The following CFH variants were observed in gnomAD, a reference collection of about 807,000 sequenced individuals.
CFH encodes H factor 1 (complement).
CFH carries 53 observed loss-of-function variants against 147.3 expected under a neutral mutation model. The observed-to-expected ratio is 0.36, with a 90% CI of 0.29 to 0.45. The LOEUF is 0.45. Among genes scored for constraint, CFH ranks in the 20% least tolerant of loss-of-function variants. The pLI is 1.00. For synonymous variants in CFH, 536 were observed against 489.4 expected (o/e 1.10, Z -1.26); for missense variants, 1,380 against 1,498.0 (o/e 0.92, Z 1.30).
At chr1:196,689,380 T>C (rs751416678) in intron 7 of CFH, 40 bp from the exon 8 acceptor site, 108 of 1,546,692 alleles carry the variant, frequency 7.0e-5, no homozygotes, top group Non-Finnish European at 9.3e-5. Flanking sequence ...TTTATTACAG[T>C]AAAATTTCTT....
At chr1:196,688,307 T>C (rs974387295) in intron 7 of CFH, among the ~76,000 whole-genome samples, 2 of 152,066 alleles carry the variant, frequency 1.3e-5, no homozygotes, top group African/African-American at 4.8e-5. Context: ...AATAACTCAG[T>C]AAAATGTAAT....
intron 9 of CFH, among the ~76,000 whole-genome samples, chr1:196,696,483 C>T (rs1044215280): frequency 2.0e-5 from 3 of 152,122 alleles, no homozygotes; most frequent in African/African-American, 7.2e-5. Context: ...AAATTTATCG[C>T]ACTAAATGCC....
chr1:196,730,495 A>C (rs951166751), intron 15 of CFH, among the ~76,000 whole-genome samples: 2 of 151,854 alleles, frequency 1.3e-5, no homozygotes, highest in African/African-American at 4.8e-5. Flanking sequence ...TTTGTGGCCT[A>C]ACATATAACA....
chr1:196,704,577 A>G (rs915701044), intron 9 of CFH, among the ~76,000 whole-genome samples: 1 of 152,240 alleles, frequency 6.6e-6, no homozygotes, highest in African/African-American at 2.4e-5. Context: ...TAGTCCGGAA[A>G]CATGGGCAGA....
intron 9 of CFH, among the ~76,000 whole-genome samples, chr1:196,711,001 T>G (rs1301044977): frequency 6.6e-6 from 1 of 152,220 alleles, no homozygotes; most frequent in Admixed American, 6.5e-5. Context: ...GAATATTTTT[T>G]ATTTTTCTTT....
At chr1:196,701,406 G>A in intron 9 of CFH, 7 of 1,609,316 alleles carry the variant, frequency 4.3e-6, no homozygotes, top group South Asian at 1.1e-5. Context: ...CCAAGTTTGA[G>A]TCTTGCCAGG....
In CFH at chr1:196,677,314, T is replaced by C. The variant is rs1667489413; in HGVS notation, c.428-162T>C. 1.1e-5 allele frequency: 7 copies of C among 636,900 alleles called. No individual in the cohort carries two copies. The Admixed American group carries it at 1.9e-4, about 17-fold the overall frequency. 39.5% of individuals were successfully genotyped at this position (636,900 alleles called of 1,614,324 possible). A position where few individuals can be genotyped will look rare whatever the true frequency, so the allele number is the denominator to read the frequency against. On this transcript the variant is annotated intron_variant, in intron 4 of 21. Coordinates refer to ENST00000367429, the MANE Select transcript of CFH (RefSeq NM_000186.4). ...AATAAACATTCCATTTGCTTGTTTCTTAGAGGAAAGTATCTCTAGCAAACA... is the reference window on the plus strand; with the variant it reads ...AATAAACATTCCATTTGCTTGTTTCCTAGAGGAAAGTATCTCTAGCAAACA...
chr1:196,698,215 A>G (rs1668343433), intron 9 of CFH, among the ~76,000 whole-genome samples: 1 of 152,140 alleles, frequency 6.6e-6, no homozygotes, highest in African/African-American at 2.4e-5. Flanking sequence ...GCAGAAGACA[A>G]GAAATAACTA....
intron 9 of CFH, among the ~76,000 whole-genome samples, chr1:196,710,034 A>C (rs887872076): frequency 1.1e-4 from 11 of 98,032 alleles, no homozygotes; most frequent in South Asian, 3.8e-4. Flanking sequence ...ACACACACAC[A>C]CAAACATACA....
rs990074199 is a variant in CFH at position 196,695,342 on chromosome 1, C to A, written c.1336+5103C>A. ...AGATGTGTGGTGTTATTTCTGAGGC[C>A]TCTGTTCTGCTCCATTGGCCTATAT... On this transcript the variant is annotated intron_variant, in intron 9 of 21. Transcript: ENST00000367429. 3.3e-5 allele frequency among the ~76,000 whole-genome samples: 5 copies of A among 151,970 alleles called. 1 individual carries two copies. The highest frequency in any genetic ancestry group is 3.3e-4 in the Admixed American group (5 of 15,256).
intron 1 of CFH, among the ~76,000 whole-genome samples, chr1:196,671,587 TACACACAC>T (rs551313147): frequency 1.0e-4 from 13 of 129,514 alleles, no homozygotes; most frequent in Admixed American, 2.4e-4. Context: ...AAAAGACTAA[TACACACAC>T]ACACACACAC....
At chr1:196,714,405 C>T (rs974323972) in intron 10 of CFH, among the ~76,000 whole-genome samples, 1 of 151,110 alleles carries the variant, frequency 6.6e-6, no homozygotes, top group Non-Finnish European at 1.5e-5. Flanking sequence ...AGAAATTTTT[C>T]ATAAATATTT....
chr1:196,680,592 T>C (rs954852929), intron 6 of CFH, among the ~76,000 whole-genome samples: 1 of 151,866 alleles, frequency 6.6e-6, no homozygotes, highest in African/African-American at 2.4e-5. Flanking sequence ...TTCAAACATT[T>C]ATAAAATAAG....
intron 19 of CFH, among the ~76,000 whole-genome samples, chr1:196,742,812 G>C (rs1652856516): frequency 1.3e-5 from 2 of 152,106 alleles, no homozygotes; most frequent in South Asian, 4.1e-4. Context: ...ATTTTGCATT[G>C]TTCAGCATAA....
At chr1:196,686,873 T>C (rs1667846789) in intron 7 of CFH, among the ~76,000 whole-genome samples, 1 of 152,132 alleles carries the variant, frequency 6.6e-6, no homozygotes, top group Non-Finnish European at 1.5e-5. Flanking sequence ...CAGTTTTTAA[T>C]TTCATTAAAT....
At chr1:196,692,207 G>A (rs999931553) in intron 9 of CFH, among the ~76,000 whole-genome samples, 1 of 152,072 alleles carries the variant, frequency 6.6e-6, no homozygotes, top group Non-Finnish European at 1.5e-5. Context: ...TCGCCTCGCT[G>A]CAACCTCCAC....
chr1:196,692,750 C>CTTTCTTTCTCTTTCCCTTCCTTTCTT (rs1668089026), intron 9 of CFH, among the ~76,000 whole-genome samples: 6 of 7,764 alleles, frequency 7.7e-4, no homozygotes, highest in Admixed American at 1.8e-3. Flanking sequence ...CTTTCTTTTT[C>CTTTCTTTCTCTTTCCCTTCCTTTCTT]TTTCTTTCTT....
intron 9 of CFH, among the ~76,000 whole-genome samples, chr1:196,697,279 A>G (rs1466506434): frequency 3.9e-5 from 6 of 152,210 alleles, no homozygotes; most frequent in Non-Finnish European, 8.8e-5. Context: ...TAATATCCAG[A>G]ATCTACAATG....
At chr1:196,695,266 CT>C (rs1668212090) in intron 9 of CFH, among the ~76,000 whole-genome samples, 1 of 152,148 alleles carries the variant, frequency 6.6e-6, no homozygotes, top group African/African-American at 2.4e-5. Context: ...AATAGGGAAT[CT>C]TTTCCCTATT....
Sources: allele counts gnomAD v4.1 joint callset (sites outside exome capture counted in the v4.1 genomes callset), GRCh38; gene constraint gnomAD v4.1.1; transcripts MANE v1.5; gene names NCBI Gene and HGNC (gene_info 2026-07-23, HGNC 2026-07-21).